Variants in SGCD observed in about 807,000 individuals in gnomAD.
SGCD encodes sarcoglycan delta.
In SGCD, 18 loss-of-function variants were observed where a neutral mutation model predicts 36.6. The ratio of observed to expected loss-of-function variants is 0.49; its 90% confidence interval spans 0.34 to 0.73. The LOEUF (loss-of-function observed/expected upper bound fraction) is 0.73, where lower values mean the gene tolerates loss of function less well. Among genes scored for constraint, SGCD ranks in the 30% least tolerant of loss-of-function variants. The probability of loss-of-function intolerance (pLI) is 0.01; values close to 1 mark genes in which losing one functional copy is unlikely to be tolerated. For synonymous variants in SGCD, 133 were observed against 130.6 expected (o/e 1.02, Z -0.12); for missense variants, 387 against 346.7 (o/e 1.12, Z -0.92).
At chr5:155,987,203 C>G (rs1295186021) in intron 1 of SGCD, among the ~76,000 whole-genome samples, 16 of 152,132 alleles carry the variant, frequency 1.1e-4, no homozygotes. Context: ...AATTAATACA[C>G]TTTTTGAACA....
chr5:156,446,402 G>A (rs1367944226), intron 3 of SGCD, among the ~76,000 whole-genome samples: 1 of 152,132 alleles, frequency 6.6e-6, no homozygotes, highest in Non-Finnish European at 1.5e-5. Context: ...ACCTTAGGGT[G>A]TGGAGAGGGT....
intron 4 of SGCD, among the ~76,000 whole-genome samples, chr5:156,572,973 T>A (rs1344970799): frequency 1.3e-5 from 2 of 152,176 alleles, no homozygotes; most frequent in East Asian, 3.8e-4. Context: ...AAATTTAGGG[T>A]ACACAAAAAT....
intron 3 of SGCD, among the ~76,000 whole-genome samples, chr5:156,425,372 T>C (rs2127783231): frequency 6.6e-6 from 1 of 152,178 alleles, no homozygotes. Flanking sequence ...TTCAGCTCAT[T>C]ATTAGCAATT....
chr5:155,748,114 CT>C, the SGCD span, among the ~76,000 whole-genome samples: 4 of 151,434 alleles, frequency 2.6e-5, no homozygotes, highest in East Asian at 1.9e-4. Flanking sequence ...TTTCTTGTTT[CT>C]TTTTTTTCTT....
intron 3 of SGCD, among the ~76,000 whole-genome samples, chr5:156,237,628 G>GA (rs930187135): frequency 2.0e-5 from 3 of 151,422 alleles, no homozygotes; most frequent in African/African-American, 7.3e-5. Flanking sequence ...GTCTCAAAAT[G>GA]AAAAAAACAA....
chr5:156,247,582 TG>T, intron 3 of SGCD, among the ~76,000 whole-genome samples: 1 of 152,210 alleles, frequency 6.6e-6, no homozygotes, highest in East Asian at 1.9e-4. Flanking sequence ...AAGATAGATG[TG>T]GGAGATAAAT....
In SGCD at chr5:156,408,648, C is replaced by T. The variant is rs567927942; in HGVS notation, c.192+63971C>T. Among the ~76,000 whole-genome samples the T allele has an allele frequency of 1.1e-4, 16 of 152,258 alleles. No individual in the cohort carries two copies. In the East Asian group the frequency reaches 2.1e-3, roughly 20 times the overall value. On this transcript the variant is annotated intron_variant, in intron 3 of 8. Transcript: ENST00000337851. The stretch of plus-strand genomic sequence containing the variant: ...TGCTGGGATTACAGGCGTGAACCAC[C>T]GCCCCCAGCCCCCATGTTGAATTTC...
At chr5:156,220,476 A>G (rs1764689983) in intron 3 of SGCD, among the ~76,000 whole-genome samples, 1 of 152,196 alleles carries the variant, frequency 6.6e-6, no homozygotes, top group South Asian at 2.1e-4. Flanking sequence ...TTATCAGAAT[A>G]CCATATTGTG....
intron 4 of SGCD, among the ~76,000 whole-genome samples, chr5:156,580,030 A>G (rs1181128580): frequency 1.3e-5 from 2 of 152,104 alleles, no homozygotes; most frequent in African/African-American, 4.8e-5. Flanking sequence ...ACAATTTGGC[A>G]TGTTTTTGCA....
At chr5:155,895,976 C>T (rs556327493) in intron 1 of SGCD, among the ~76,000 whole-genome samples, 36 of 152,376 alleles carry the variant, frequency 2.4e-4, no homozygotes, top group Admixed American at 1.8e-3. Context: ...TTGCCGTAAG[C>T]ACATTCTCTG....
At chr5:156,596,693 T>G (rs956047711) in intron 6 of SGCD, among the ~76,000 whole-genome samples, 4 of 152,190 alleles carry the variant, frequency 2.6e-5, no homozygotes, top group Non-Finnish European at 5.9e-5. Flanking sequence ...CATACATGTC[T>G]AATTTCCTTT....
the SGCD span, among the ~76,000 whole-genome samples, chr5:155,854,627 A>G: frequency 6.6e-6 from 1 of 152,188 alleles, no homozygotes; most frequent in African/African-American, 2.4e-5. Context: ...TCTAGAAGGT[A>G]AAAATGTTTG....
the SGCD span, among the ~76,000 whole-genome samples, chr5:155,745,783 G>GAC: frequency 6.6e-6 from 1 of 152,144 alleles, no homozygotes; most frequent in Non-Finnish European, 1.5e-5. Context: ...TGCAAAATGA[G>GAC]ACATCAATTA....
intron 6 of SGCD, among the ~76,000 whole-genome samples, chr5:156,616,968 C>A (rs1428614060): frequency 6.6e-6 from 1 of 152,066 alleles, no homozygotes. Context: ...CTATCTGGCC[C>A]TTTACAAAAA....
intron 1 of SGCD, among the ~76,000 whole-genome samples, chr5:155,980,811 A>T (rs1427483106): frequency 6.6e-6 from 1 of 152,104 alleles, no homozygotes. Flanking sequence ...AACACAAAAA[A>T]ACAAAATCAT....
the SGCD span, among the ~76,000 whole-genome samples, chr5:155,793,418 TAAA>T: frequency 1.3e-5 from 2 of 151,568 alleles, no homozygotes; most frequent in Non-Finnish European, 2.9e-5. Flanking sequence ...CAATCCAAAA[TAAA>T]AAAAAGTTTT....
chr5:155,872,129 C>T (rs900642814), intron 1 of SGCD, among the ~76,000 whole-genome samples: 1 of 152,074 alleles, frequency 6.6e-6, no homozygotes, highest in African/African-American at 2.4e-5. Context: ...GCTTTGTGCA[C>T]CTGATGGTGC....
intron 3 of SGCD, among the ~76,000 whole-genome samples, chr5:156,182,549 A>T (rs1763634262): frequency 6.6e-6 from 1 of 152,160 alleles, no homozygotes; most frequent in African/African-American, 2.4e-5. Context: ...GTGAGCTGAG[A>T]TCGTGCAGCT....
intron 3 of SGCD, among the ~76,000 whole-genome samples, chr5:156,288,782 T>G (rs1244425907): frequency 6.6e-6 from 1 of 152,170 alleles, no homozygotes; most frequent in Non-Finnish European, 1.5e-5. Flanking sequence ...GTGTTTTGAT[T>G]CTAACTGTAA....
Sources: allele counts gnomAD v4.1 joint callset (sites outside exome capture counted in the v4.1 genomes callset), GRCh38; gene constraint gnomAD v4.1.1; transcripts MANE v1.5; gene names NCBI Gene and HGNC (gene_info 2026-07-23, HGNC 2026-07-21).